The following SKAP2 variants were observed in gnomAD, a reference collection of about 807,000 sequenced individuals.
SKAP2 encodes the protein src kinase associated phosphoprotein 2.
SKAP2 carries 28 observed loss-of-function variants against 54.9 expected under a neutral mutation model. The observed-to-expected ratio is 0.51, with a 90% CI of 0.38 to 0.70. The LOEUF is 0.70. Ranked by LOEUF, SKAP2 falls within the 30% of genes least tolerant of loss-of-function variation. SKAP2 has a pLI of 0.00. For missense variants in SKAP2, 356 were observed against 424.1 expected (o/e 0.84, Z 1.41); for synonymous variants, 137 against 134.3 (o/e 1.02, Z -0.14).
intron 4 of SKAP2, among the ~76,000 whole-genome samples, chr7:26,804,076 A>G (rs1249232078): frequency 6.6e-6 from 1 of 152,224 alleles, no homozygotes; most frequent in Non-Finnish European, 1.5e-5. Flanking sequence ...TATAGTCAAC[A>G]GTAACTTAAT....
At chr7:26,775,499 ATAT>A (rs1783284493) in intron 4 of SKAP2, among the ~76,000 whole-genome samples, 1 of 150,846 alleles carries the variant, frequency 6.6e-6, no homozygotes, top group Admixed American at 6.7e-5. Flanking sequence ...CAATTCACCA[ATAT>A]TATTTAGATT....
At chr7:26,681,079 A>G (rs1382415901) in intron 11 of SKAP2, among the ~76,000 whole-genome samples, 3 of 152,208 alleles carry the variant, frequency 2.0e-5, no homozygotes. Context: ...ATAAAACTAT[A>G]TTTCTGTAGT....
intron 4 of SKAP2, among the ~76,000 whole-genome samples, chr7:26,762,822 C>T (rs952444918): frequency 6.6e-6 from 1 of 152,146 alleles, no homozygotes; most frequent in African/African-American, 2.4e-5. Context: ...CTTTCAAAAA[C>T]CTTTCAGACT....
chr7:26,860,082 C>G (rs1345148563), intron 1 of SKAP2, among the ~76,000 whole-genome samples: 1 of 152,144 alleles, frequency 6.6e-6, no homozygotes, highest in African/African-American at 2.4e-5. Context: ...AGCCCATTTG[C>G]AAATTTTTCA....
chr7:26,839,398 T>C (rs1349883407), intron 4 of SKAP2, among the ~76,000 whole-genome samples: 4 of 152,126 alleles, frequency 2.6e-5, no homozygotes, highest in Admixed American at 2.0e-4. Flanking sequence ...CTAAAACATA[T>C]ATAAGCTAGC....
At chr7:26,813,535 A>C (rs1784201430) in intron 4 of SKAP2, among the ~76,000 whole-genome samples, 1 of 152,238 alleles carries the variant, frequency 6.6e-6, no homozygotes. Flanking sequence ...TGGGTTGTGC[A>C]AATGTGCAGT....
chr7:26,720,808 G>A (rs889604705), intron 9 of SKAP2, among the ~76,000 whole-genome samples: 22 of 152,010 alleles, frequency 1.4e-4, no homozygotes, highest in African/African-American at 5.3e-4. Flanking sequence ...AACTGGATAG[G>A]GGACACTGCC....
chr7:26,690,366 T>A lies in SKAP2; in HGVS notation c.797-4A>T. 1.3e-6 allele frequency: 2 copies of A among 1,596,292 alleles called. No individual in the cohort carries two copies. Among genetic ancestry groups the A allele is most frequent in the Non-Finnish European group, 1.7e-6 (2 of 1,163,966 alleles). On this transcript the variant is annotated splice_polypyrimidine_tract_variant and splice_region_variant and intron_variant, in intron 9 of 12. Transcript: ENST00000345317. ...GGAGCACTGTCCTCTTCTTCTTCTG[T>A]AAATAAACATTATCAATGGCACATT...
chr7:26,845,019 CATTT>C (rs767537821), intron 3 of SKAP2, among the ~76,000 whole-genome samples: 4 of 152,094 alleles, frequency 2.6e-5, no homozygotes, highest in Non-Finnish European at 5.9e-5. Context: ...CATAAGCATT[CATTT>C]GTCACCCGGA....
intron 11 of SKAP2, among the ~76,000 whole-genome samples, chr7:26,681,235 A>C (rs550597339): frequency 6.6e-6 from 1 of 152,320 alleles, no homozygotes; most frequent in Non-Finnish European, 1.5e-5. Flanking sequence ...AGATCACCTG[A>C]GGTCAGGAGT....
intron 9 of SKAP2, among the ~76,000 whole-genome samples, chr7:26,720,239 T>C (rs888176571): frequency 2.0e-5 from 3 of 152,240 alleles, no homozygotes; most frequent in Non-Finnish European, 4.4e-5. Flanking sequence ...ATATATGTTT[T>C]GTGTGCACAC....
At chr7:26,730,044 C>G (rs535395215) in intron 6 of SKAP2, among the ~76,000 whole-genome samples, 1 of 152,236 alleles carries the variant, frequency 6.6e-6, no homozygotes, top group African/African-American at 2.4e-5. Context: ...ACAACTCTTT[C>G]TAATAGCTTT....
At chr7:26,809,418 G>GAAA (rs772320632) in intron 4 of SKAP2, among the ~76,000 whole-genome samples, 1 of 123,004 alleles carries the variant, frequency 8.1e-6, no homozygotes, top group Non-Finnish European at 1.8e-5. Context: ...CGTTTCACAA[G>GAAA]AAAAAAAAAA....
chr7:26,763,883 T>C (rs1240866077), intron 4 of SKAP2, among the ~76,000 whole-genome samples: 2 of 152,176 alleles, frequency 1.3e-5, no homozygotes, highest in East Asian at 3.9e-4. Context: ...CAATGGTAAC[T>C]ACTTGTGTAT....
intron 9 of SKAP2, among the ~76,000 whole-genome samples, chr7:26,706,420 T>C (rs1187003224): frequency 6.6e-6 from 1 of 152,162 alleles, no homozygotes; most frequent in African/African-American, 2.4e-5. Flanking sequence ...AACTGAACAG[T>C]CTTCTTTCCA....
At position 26,669,128 on chromosome 7, in the gene SKAP2, A is replaced by C. The variant is rs1213488530; in HGVS notation, c.*538T>G. ...TACTTAATAGGAATTAAATGTGTGA[A>C]AATAAATAATAACAATAAAGTTATC... is the stretch of plus-strand genomic sequence containing the variant. On this transcript the variant is annotated 3_prime_UTR_variant, in exon 13 of 13. Coordinates refer to ENST00000345317, the MANE Select transcript of SKAP2 (RefSeq NM_003930.5). The C allele has an allele frequency of 6.6e-6, 1 of 152,194 alleles. No individual in the cohort carries two copies. The highest frequency in any genetic ancestry group is 1.5e-5 in the Non-Finnish European group (1 of 68,032). 9.4% of individuals were successfully genotyped at this position (152,194 alleles called of 1,614,324 possible). A position where few individuals can be genotyped will look rare whatever the true frequency, so the allele number is the denominator to read the frequency against.
chr7:26,848,109 T>C (rs1177074751), intron 3 of SKAP2: 1 of 152,224 alleles, frequency 6.6e-6, no homozygotes, highest in Non-Finnish European at 1.5e-5. Flanking sequence ...GGGATCAAAT[T>C]ACTATTAGCC....
chr7:26,788,248 G>A lies in SKAP2; in HGVS notation c.308-48284C>T, dbSNP rs763238702. On this transcript the variant is annotated intron_variant, in intron 4 of 12. Coordinates refer to ENST00000345317, the MANE Select transcript of SKAP2 (RefSeq NM_003930.5). ...CATTTCATATTGTTATGAAGTTACA[G>A]TACCAGAACAATCAGTAGATAATTA... Among the ~76,000 whole-genome samples the A allele has an allele frequency of 7.4e-4, 112 of 152,144 alleles. 2 individuals are homozygous for A. The highest frequency in any genetic ancestry group is 7.9e-4 in the Admixed American group (12 of 15,260).
intron 3 of SKAP2, among the ~76,000 whole-genome samples, chr7:26,850,347 A>G (rs1033760434): frequency 7.2e-5 from 11 of 152,098 alleles, no homozygotes; most frequent in African/African-American, 2.7e-4. Context: ...TTGGGAGGCC[A>G]AGGCGGGTGG....
Sources: gnomAD v4.1 joint callset for allele counts (sites outside exome capture counted in the v4.1 genomes callset) on GRCh38, gnomAD v4.1.1 for gene constraint, MANE v1.5 for transcripts, NCBI Gene and HGNC (gene_info 2026-07-23, HGNC 2026-07-21) for gene names.